ASZ1: variants seen among roughly 807,000 people sequenced by gnomAD.
The protein encoded by ASZ1 is ankyrin repeat, SAM and basic leucine zipper domain containing 1.
In ASZ1, 67 loss-of-function variants were observed where a neutral mutation model predicts 61.8. The ratio of observed to expected loss-of-function variants is 1.08; its 90% CI spans 0.89 to 1.33. The LOEUF (loss-of-function observed/expected upper bound fraction) is 1.33, where lower values mean the gene tolerates loss of function less well. ASZ1 is among the 40% of genes most tolerant of loss of function. The pLI is 0.00. For synonymous variants in ASZ1, 193 were observed against 192.7 expected (o/e 1.00, Z -0.01); for missense variants, 577 against 554.5 (o/e 1.04, Z -0.41).
chr7:117,375,649 A>G (rs558150002), intron 10 of ASZ1, among the ~76,000 whole-genome samples: 6 of 152,218 alleles, frequency 3.9e-5, no homozygotes, highest in African/African-American at 1.4e-4. Flanking sequence ...CCACAACAGA[A>G]TCAAACTGGA....
intron 4 of ASZ1, among the ~76,000 whole-genome samples, chr7:117,418,226 C>A (rs1322242606): frequency 6.6e-6 from 1 of 152,178 alleles, no homozygotes; most frequent in Non-Finnish European, 1.5e-5. Context: ...TAAAGGTATA[C>A]ATCAAAATTA....
intron 4 of ASZ1, among the ~76,000 whole-genome samples, chr7:117,410,328 A>C (rs1796866293): frequency 6.6e-6 from 1 of 151,770 alleles, no homozygotes. Flanking sequence ...TAGCAAGGTC[A>C]TGAAGCTTAT....
chr7:117,403,935 A>C (rs1027958582), intron 4 of ASZ1, among the ~76,000 whole-genome samples: 2 of 152,132 alleles, frequency 1.3e-5, no homozygotes, highest in African/African-American at 4.8e-5. Flanking sequence ...CGCATGCGAG[A>C]GATCTATGTT....
In ASZ1 at chr7:117,379,962, G is replaced by C; in HGVS notation, c.1031C>G (p.Ser344Cys). Residue 344 changes from serine to cysteine, a missense_variant, in exon 10 of 13, where the codon TCT (serine) becomes TGT (cysteine). Transcript: ENST00000284629. ...CCTGATTTCCAACTTTGTCTCTTCA[G>C]ATAGCTCTCCAAATTGTATCTCTTC... is the stretch of plus-strand genomic sequence containing the variant. Reference protein sequence around the residue: ...QVEEIQFGELSEETKLEISGD... With the variant: ...QVEEIQFGELCEETKLEISGD... The C allele has an allele frequency of 6.2e-7, 1 of 1,602,592 alleles. No individual in the cohort carries two copies. The highest frequency in any genetic ancestry group is 8.5e-7 in the Non-Finnish European group (1 of 1,172,388).
chr7:117,364,246 CT>C (rs1795889091), intron 12 of ASZ1, among the ~76,000 whole-genome samples: 1 of 152,080 alleles, frequency 6.6e-6, no homozygotes, highest in Non-Finnish European at 1.5e-5. Flanking sequence ...TCAACAAAAA[CT>C]TAAGTGGTTC....
intron 9 of ASZ1, among the ~76,000 whole-genome samples, 179 bp downstream of exon 9, chr7:117,380,832 T>C (rs1464018501): frequency 1.3e-5 from 2 of 151,872 alleles, no homozygotes; most frequent in African/African-American, 4.8e-5. Flanking sequence ...GTTCTTAAAG[T>C]AACTTAATAC....
At chr7:117,370,448 T>G (rs1372617932) in intron 10 of ASZ1, among the ~76,000 whole-genome samples, 1 of 152,112 alleles carries the variant, frequency 6.6e-6, no homozygotes, top group Non-Finnish European at 1.5e-5. Context: ...GAGAAAAGAT[T>G]AGGCACATTA....
At chr7:117,385,918 G>T in intron 4 of ASZ1, 109 bp from the exon 5 acceptor site, 2 of 836,218 alleles carry the variant, frequency 2.4e-6, no homozygotes, top group East Asian at 2.8e-5. Context: ...AAAACGAAAA[G>T]AAATGAAAGC....
intron 4 of ASZ1, among the ~76,000 whole-genome samples, chr7:117,393,405 G>A (rs1296879340): frequency 2.0e-5 from 3 of 151,576 alleles, no homozygotes; most frequent in East Asian, 1.9e-4. Context: ...TTTGTTCTAT[G>A]TATTTAAAAG....
At chr7:117,368,333 A>G in intron 11 of ASZ1, 1 of 1,060,466 alleles carries the variant, frequency 9.4e-7, no homozygotes, top group Non-Finnish European at 1.1e-6. Context: ...CTGTCACTTT[A>G]TATTTTAAAA....
chr7:117,404,490 C>T (rs1796744666), intron 4 of ASZ1, among the ~76,000 whole-genome samples: 1 of 150,696 alleles, frequency 6.6e-6, no homozygotes, highest in Non-Finnish European at 1.5e-5. Flanking sequence ...TTTTGTTTCC[C>T]TTAAGTCGAG....
At chr7:117,374,829 A>T (rs918528225) in intron 10 of ASZ1, among the ~76,000 whole-genome samples, 5 of 152,058 alleles carry the variant, frequency 3.3e-5, no homozygotes, top group Middle Eastern at 3.2e-3. Context: ...TCCTCTGTAC[A>T]GGCATTATTC....
chr7:117,420,470 T>G (rs572774568), intron 3 of ASZ1, among the ~76,000 whole-genome samples, 196 bp from the exon 4 acceptor site: 4 of 152,300 alleles, frequency 2.6e-5, no homozygotes, highest in Non-Finnish European at 5.9e-5. Flanking sequence ...GTCTCCAAAG[T>G]TTATCTATAA....
At chr7:117,377,764 G>T (rs1398027420) in intron 10 of ASZ1, among the ~76,000 whole-genome samples, 1 of 152,016 alleles carries the variant, frequency 6.6e-6, no homozygotes, top group East Asian at 1.9e-4. Flanking sequence ...AGAACAAAAT[G>T]GGAGGAATCA....
chr7:117,391,328 T>C (rs1796463770), intron 4 of ASZ1, among the ~76,000 whole-genome samples: 6 of 152,168 alleles, frequency 3.9e-5, no homozygotes, highest in Admixed American at 3.9e-4. Context: ...ACTTGTCAAA[T>C]TTTGTTTTTG....
At chr7:117,364,915 AAG>A (rs1348541248) in intron 12 of ASZ1, among the ~76,000 whole-genome samples, 2 of 152,080 alleles carry the variant, frequency 1.3e-5, no homozygotes, top group Non-Finnish European at 2.9e-5. Context: ...GTTGGCTTGA[AAG>A]AGAGTGATGT....
intron 4 of ASZ1, among the ~76,000 whole-genome samples, chr7:117,396,013 G>T (rs1337506885): frequency 1.3e-5 from 2 of 152,172 alleles, no homozygotes; most frequent in African/African-American, 2.4e-5. Context: ...CTCTGATTTA[G>T]AATGTTAAGC....
At chr7:117,383,200 C>A in intron 6 of ASZ1, 90 bp from the exon 7 acceptor site, 3 of 1,310,684 alleles carry the variant, frequency 2.3e-6, no homozygotes, top group South Asian at 1.9e-5. Flanking sequence ...TATCTCATAT[C>A]CAGAAAGGAA....
intron 4 of ASZ1, among the ~76,000 whole-genome samples, chr7:117,414,807 T>C (rs775733275): frequency 6.6e-6 from 1 of 152,218 alleles, no homozygotes; most frequent in Non-Finnish European, 1.5e-5. Flanking sequence ...TGCAAGGACA[T>C]GAACTCATCC....
Sources: allele counts gnomAD v4.1 joint callset (sites outside exome capture counted in the v4.1 genomes callset), GRCh38; gene constraint gnomAD v4.1.1; transcripts MANE v1.5; gene names NCBI Gene and HGNC (gene_info 2026-07-23, HGNC 2026-07-21).